Variants in MZF1 observed in about 807,000 individuals in gnomAD.
The protein encoded by MZF1 is myeloid zinc finger 1.
Under a neutral mutation model 28.6 loss-of-function variants are expected in MZF1, and 24 were observed. The ratio of observed to expected loss-of-function variants is 0.84; its 90% CI spans 0.61 to 1.18. MZF1 has a LOEUF of 1.18. MZF1 is among the 50% of genes most tolerant of loss of function. MZF1 has a pLI of 0.00. For missense variants in MZF1, 1,166 were observed against 1,026.4 expected (o/e 1.14, Z -1.86); for synonymous variants, 516 against 432.5 (o/e 1.19, Z -2.40).
At chr19:58,563,676 G>A (rs190264822) in intron 5 of MZF1, 172 bp from the exon 6 acceptor site, 112 of 572,996 alleles carry the variant, frequency 2.0e-4, no homozygotes, top group Middle Eastern at 8.7e-4. Flanking sequence ...CCCTGATGAG[G>A]TGATAATGAG....
chr19:58,569,333 C>T lies in MZF1; in HGVS notation c.716G>A (p.Trp239Ter), dbSNP rs752492102. The T allele has an allele frequency of 3.1e-6, 5 of 1,613,692 alleles. No homozygotes were observed. In the East Asian group the frequency reaches 1.1e-4, roughly 36 times the overall value. ...HSKTGPEGPSWREHPRALWHE... is the reference protein window; with the variant it reads ...HSKTGPEGPS ...CCACAGGGCCCTGGGGTGCTCCCTC[C>T]ATGAGGGACCCTCAGGCCCAGTCTT... The change falls in exon 5 of 6, where the codon TGG becomes TAG. Residue 239 changes from tryptophan (W) to a stop codon, truncating the protein, a stop_gained. Transcript: ENST00000215057. LOFTEE classifies it high-confidence loss of function.
chr19:58,571,454 G>T lies in MZF1; in HGVS notation c.-40-25C>A, dbSNP rs1454451084. On this transcript the variant is annotated intron_variant, in intron 1 of 5. Transcript: ENST00000215057. ...CCTGGTGAAGAAATAGGATGAGGCTGTTGCAAAAGGAGTACAGTGAATGCT... is the reference window on the plus strand; with the variant it reads ...CCTGGTGAAGAAATAGGATGAGGCTTTTGCAAAAGGAGTACAGTGAATGCT... 7 of 1,585,992 alleles carry T rather than the reference G, an allele frequency of 4.4e-6. No homozygotes were observed. In the South Asian group the frequency reaches 7.9e-5, roughly 18 times the overall value.
At chr19:58,565,989 T>C (rs2054047846) in intron 5 of MZF1, among the ~76,000 whole-genome samples, 1 of 146,982 alleles carries the variant, frequency 6.8e-6, no homozygotes. Context: ...AAATACAAAA[T>C]ATTTAGCCAG....
At chr19:58,570,223 C>T (rs1011994325) in intron 3 of MZF1, 121 bp downstream of exon 3, 3 of 1,088,006 alleles carry the variant, frequency 2.8e-6, no homozygotes, top group Non-Finnish European at 3.9e-6. Flanking sequence ...GGGCTGCTGG[C>T]AGATGGAAAC....
chr19:58,567,562 C>T (rs1465369491), intron 5 of MZF1, among the ~76,000 whole-genome samples: 6 of 152,216 alleles, frequency 3.9e-5, no homozygotes, highest in Non-Finnish European at 5.9e-5. Context: ...GACGATGGAA[C>T]GAAACATGCT....
chr19:58,563,098 G>A lies in MZF1; in HGVS notation c.1179C>T (p.Phe393=), dbSNP rs2053967306. Residue 393 remains phenylalanine, a synonymous_variant, in exon 6 of 6, where the codon TTC becomes TTT. Coordinates refer to ENST00000215057, the MANE Select transcript of MZF1 (RefSeq NM_198055.2). The part of the protein sequence containing the change: ...PFVCSECGRS[F]SRSSHLLRHQ... ...GGCGCAGCAGGTGCGAGCTGCGGCT[G>A]AAGCTGCGGCCGCACTCGCTGCACA... 1.9e-6 allele frequency: 3 copies of A among 1,605,202 alleles called. No individual in the cohort carries two copies.
Position 58,571,231 on chromosome 19 carries a change from C to A in MZF1, c.159G>T (p.Glu53Asp), listed in dbSNP as rs770239833. The change falls in exon 2 of 6, where the codon GAG becomes GAT. Residue 53 changes from glutamate (E) to aspartate (D), a missense_variant. By Grantham distance (45) the Glu-to-Asp change is conservative. Coordinates refer to ENST00000215057, the MANE Select transcript of MZF1 (RefSeq NM_198055.2). ...GGGCCTCTTGGGGCCCTGTGGCCTCCTCATAGCGGAAGCACCGGAAACGCA... is the reference window on the plus strand; with the variant it reads ...GGGCCTCTTGGGGCCCTGTGGCCTCATCATAGCGGAAGCACCGGAAACGCA... ...ARLRFRCFRY[E>D]EATGPQEALA... is the part of the protein sequence containing the mutation. 1 of 1,612,686 alleles carries A rather than the reference C, an allele frequency of 6.2e-7. No homozygotes were observed. Among genetic ancestry groups the A allele is most frequent in the African/African-American group, 1.3e-5 (1 of 75,058 alleles).
intron 1 of MZF1, chr19:58,571,671 C>G (rs2122737673): frequency 4.7e-6 from 2 of 426,794 alleles, no homozygotes; most frequent in Admixed American, 3.9e-5. Context: ...TCTCCCTGCT[C>G]CAAACACAGG....
At position 58,571,442 on chromosome 19, in the gene MZF1, T is replaced by C. The variant is rs779444114; in HGVS notation, c.-40-13A>G. On this transcript the variant is annotated splice_polypyrimidine_tract_variant and intron_variant, in intron 1 of 5. Transcript: ENST00000215057. ...CCAGTGTCTGCCCCTGGTGAAGAAA[T>C]AGGATGAGGCTGTTGCAAAAGGAGT... is the stretch of plus-strand genomic sequence containing the variant. 1.2e-5 allele frequency: 19 copies of C among 1,604,164 alleles called. No homozygotes were observed. The highest frequency in any genetic ancestry group is 8.5e-5 in the Admixed American group (5 of 58,686).
Position 58,571,411 on chromosome 19 carries a change from C to G in MZF1, c.-22G>C, listed in dbSNP as rs377587980. 330 of 1,612,334 alleles carry G rather than the reference C, an allele frequency of 2.0e-4. No individual in the cohort carries two copies. Among genetic ancestry groups the G allele is most frequent in the Non-Finnish European group, 2.6e-4 (306 of 1,179,218 alleles). ...TCATAGAGGGTACCAGGTCAGGTAT[C>G]TGAGGCCAGTGTCTGCCCCTGGTGA... On this transcript the variant is annotated 5_prime_UTR_variant, in exon 2 of 6. Transcript: ENST00000215057.
Position 58,563,056 on chromosome 19 carries a change from G to C in MZF1, c.1221C>G (p.Thr407=), listed in dbSNP as rs1301091099. 1.2e-6 allele frequency: 2 copies of C among 1,602,980 alleles called. No individual in the cohort carries two copies. Among genetic ancestry groups the C allele is most frequent in the East Asian group, 4.5e-5 (2 of 44,858 alleles). Residue 407 remains threonine (T), a synonymous_variant, in exon 6 of 6, where the codon ACC becomes ACG. Coordinates refer to ENST00000215057, the MANE Select transcript of MZF1 (RefSeq NM_198055.2). ...CGCCGCACACGAACGGCCGCTCCTC[G>C]GTGTGCGTAAGCTGGTGGCGCAGCA... ...SHLLRHQLTH[T]EERPFVCGDC...
At position 58,570,435 on chromosome 19, in the gene MZF1, T is replaced by C; in HGVS notation, c.489A>G (p.Pro163=). ...TAGGAGGTGTCTTGGGCCCAGGCTC[T>C]GGAGTTGGAGGCTCAGTTTCAGGTA... ...QPLPETEPPT[P]EPGPKTPPRT... The change falls in exon 3 of 6, where the codon CCA becomes CCG. Residue 163 remains proline (P), a synonymous_variant. Coordinates refer to ENST00000215057, the MANE Select transcript of MZF1 (RefSeq NM_198055.2). 6.2e-7 allele frequency: 1 copy of C among 1,613,950 alleles called. No individual in the cohort carries two copies. Among genetic ancestry groups the C allele is most frequent in the African/African-American group, 1.3e-5 (1 of 75,012 alleles).
At chr19:58,563,600 G>T in intron 5 of MZF1, 96 bp from the exon 6 acceptor site, 1 of 1,047,470 alleles carries the variant, frequency 9.5e-7, no homozygotes, top group Non-Finnish European at 1.3e-6. Flanking sequence ...ACAGGGACCT[G>T]AAACTGACCA....
rs1344202773 is a variant in MZF1, at chr19:58,571,110, C to T, written c.280G>A (p.Gly94Ser). 2.5e-6 allele frequency: 4 copies of T among 1,613,840 alleles called. No homozygotes were observed. In the African/African-American group the frequency reaches 5.3e-5, roughly 22 times the overall value. ...LELLVLEQFLGALPPEIQARV... is the reference protein window; with the variant it reads ...LELLVLEQFLSALPPEIQARV... ...GCCTGGATCTCAGGGGGCAGTGCGC[C>T]CAGGAACTGCTCCAGCACCAACAGC... Residue 94 changes from glycine (G) to serine (S), a missense_variant, in exon 2 of 6, where the codon GGC (glycine) becomes AGC (serine). Transcript: ENST00000215057.
At chr19:58,570,128 G>C (rs1270991393) in intron 3 of MZF1, 2 of 535,516 alleles carry the variant, frequency 3.7e-6, no homozygotes, top group African/African-American at 3.9e-5. Flanking sequence ...CGTGGGTACA[G>C]GGCTGTGGCA....
chr19:58,572,835 C>G (rs2054191223), intron 1 of MZF1: 1 of 323,352 alleles, frequency 3.1e-6, no homozygotes, highest in Admixed American at 4.1e-5. Flanking sequence ...TAGGTCCAGA[C>G]GACGCCTAGG....
Sources: allele counts gnomAD v4.1 joint callset (sites outside exome capture counted in the v4.1 genomes callset), GRCh38; gene constraint gnomAD v4.1.1; transcripts MANE v1.5; gene names NCBI Gene and HGNC (gene_info 2026-07-23, HGNC 2026-07-21).